The following PBX1 variants were observed in gnomAD, a reference collection of about 807,000 sequenced individuals.
PBX1 encodes the protein pre-B-cell leukemia transcription factor 1.
PBX1 carries 6 observed loss-of-function variants against 53.4 expected under a neutral mutation model. The observed-to-expected ratio is 0.11, with a 90% CI of 0.06 to 0.22. PBX1 has a LOEUF of 0.22. Ranked by LOEUF, PBX1 falls within the 10% of genes least tolerant of loss-of-function variation. The pLI, the probability that PBX1 is intolerant of heterozygous loss-of-function variation, is 1.00. For synonymous variants in PBX1, 204 were observed against 212.3 expected (o/e 0.96, Z 0.34); for missense variants, 251 against 551.4 (o/e 0.46, Z 5.46).
intron 2 of PBX1, among the ~76,000 whole-genome samples, chr1:164,754,688 CGT>C (rs141341198): frequency 5.3e-5 from 8 of 151,340 alleles, no homozygotes; most frequent in South Asian, 4.2e-4. Context: ...CACGTGCGTG[CGT>C]GTGTGTGTGT....
At chr1:164,690,211 C>T (rs1267892323) in intron 2 of PBX1, among the ~76,000 whole-genome samples, 2 of 152,038 alleles carry the variant, frequency 1.3e-5, no homozygotes, top group Admixed American at 6.6e-5. Context: ...TCTGCCACAT[C>T]GGATGCAGGA....
chr1:164,781,159 A>C (rs1047105786), intron 2 of PBX1, among the ~76,000 whole-genome samples: 1 of 152,116 alleles, frequency 6.6e-6, no homozygotes, highest in Non-Finnish European at 1.5e-5. Flanking sequence ...CATTTGTGAG[A>C]TGACTGTCTG....
intron 2 of PBX1, among the ~76,000 whole-genome samples, chr1:164,717,307 T>TGA (rs1664160566): frequency 6.6e-6 from 1 of 152,124 alleles, no homozygotes; most frequent in Non-Finnish European, 1.5e-5. Flanking sequence ...TGGAGGTATT[T>TGA]CTTTGGAGAC....
chr1:164,630,463 G>A (rs149229578), intron 2 of PBX1, among the ~76,000 whole-genome samples: 32 of 152,164 alleles, frequency 2.1e-4, no homozygotes, highest in Admixed American at 5.2e-4. Flanking sequence ...GTAGCAATTC[G>A]TGATTTGCTA....
chr1:164,589,139 C>T (rs1461684320), intron 2 of PBX1, among the ~76,000 whole-genome samples: 2 of 151,980 alleles, frequency 1.3e-5, no homozygotes, highest in East Asian at 1.9e-4. Context: ...AGGACCCAGG[C>T]GGGAGAGGGG....
chr1:164,737,507 G>A (rs1665361149), intron 2 of PBX1, among the ~76,000 whole-genome samples: 1 of 149,630 alleles, frequency 6.7e-6, no homozygotes, highest in African/African-American at 2.5e-5. Context: ...TTTTGAGACA[G>A]AGTCTCTGTC....
intron 3 of PBX1, among the ~76,000 whole-genome samples, chr1:164,792,984 G>T (rs1668595564): frequency 6.6e-6 from 1 of 152,188 alleles, no homozygotes; most frequent in Non-Finnish European, 1.5e-5. Flanking sequence ...CGCTGTAAAT[G>T]ATTTCAAGGA....
chr1:164,867,510 G>A (rs1484343024), intron 2 of PBX1, among the ~76,000 whole-genome samples: 3 of 152,214 alleles, frequency 2.0e-5, no homozygotes, highest in African/African-American at 7.2e-5. Flanking sequence ...CAAGGCAAAT[G>A]GCCCCAGAGC....
chr1:164,624,002 G>A (rs1156914277), intron 2 of PBX1, among the ~76,000 whole-genome samples: 1 of 152,174 alleles, frequency 6.6e-6, no homozygotes, highest in Non-Finnish European at 1.5e-5. Context: ...AGGAGGAAGT[G>A]TGTATTGGGG....
At chr1:164,677,072 T>G (rs1445039284) in intron 2 of PBX1, among the ~76,000 whole-genome samples, 1 of 148,598 alleles carries the variant, frequency 6.7e-6, no homozygotes, top group Non-Finnish European at 1.5e-5. Flanking sequence ...TCTTTGCATA[T>G]ACTGCTTGAC....
intron 2 of PBX1, among the ~76,000 whole-genome samples, chr1:164,570,054 T>C (rs918782842): frequency 6.6e-6 from 1 of 152,206 alleles, no homozygotes; most frequent in African/African-American, 2.4e-5. Flanking sequence ...GATGGTGTTT[T>C]CTTAGCGTCA....
At chr1:164,633,882 A>G (rs960032293) in intron 2 of PBX1, among the ~76,000 whole-genome samples, 5 of 152,216 alleles carry the variant, frequency 3.3e-5, no homozygotes, top group South Asian at 2.1e-4. Flanking sequence ...TAAGCCTCAC[A>G]GTATATTTGT....
intron 2 of PBX1, among the ~76,000 whole-genome samples, chr1:164,686,754 T>C (rs1012327338): frequency 2.0e-5 from 3 of 151,922 alleles, no homozygotes; most frequent in Non-Finnish European, 4.4e-5. Flanking sequence ...GTCAGGAGAT[T>C]GAGACCATCC....
At chr1:164,626,974 C>T (rs924138314) in intron 2 of PBX1, among the ~76,000 whole-genome samples, 3 of 152,160 alleles carry the variant, frequency 2.0e-5, no homozygotes, top group African/African-American at 7.2e-5. Context: ...TTCAATTTTA[C>T]AATGCTTTCA....
chr1:164,803,543 C>T (rs183720944), intron 4 of PBX1, among the ~76,000 whole-genome samples: 75 of 152,078 alleles, frequency 4.9e-4, no homozygotes, highest in African/African-American at 1.7e-3. Context: ...AAATCTGTGG[C>T]GGATGTTGTG....
chr1:164,712,115 A>G (rs1410870560), intron 2 of PBX1, among the ~76,000 whole-genome samples: 2 of 145,296 alleles, frequency 1.4e-5, no homozygotes, highest in Admixed American at 1.4e-4. Context: ...GGGCCACTTC[A>G]TTATGCCACC....
intron 2 of PBX1, among the ~76,000 whole-genome samples, chr1:164,573,293 A>G (rs1270400848): frequency 6.6e-6 from 1 of 152,028 alleles, no homozygotes. Flanking sequence ...ATTTTTTAGT[A>G]GCCCCATTTA....
At chr1:164,679,980 A>G (rs1048712360) in intron 2 of PBX1, 1 of 152,110 alleles carries the variant, frequency 6.6e-6, no homozygotes, top group African/African-American at 2.4e-5. Context: ...TGGACAAAGG[A>G]GTGTTGTTGG....
chr1:164,686,295 C>G (rs574098079), intron 2 of PBX1, among the ~76,000 whole-genome samples: 3 of 152,168 alleles, frequency 2.0e-5, no homozygotes, highest in Non-Finnish European at 4.4e-5. Flanking sequence ...CTAAACTGTT[C>G]ACCCATTTCC....
Sources: allele counts gnomAD v4.1 joint callset (sites outside exome capture counted in the v4.1 genomes callset), GRCh38; gene constraint gnomAD v4.1.1; transcripts MANE v1.5; gene names NCBI Gene and HGNC (gene_info 2026-07-23, HGNC 2026-07-21).